PAPPA2: variants seen among roughly 807,000 people sequenced by gnomAD.
The protein encoded by PAPPA2 is pappalysin 2, also known as pappalysin-2.
PAPPA2 carries 86 observed loss-of-function variants against 176.4 expected under a neutral mutation model. The ratio of observed to expected loss-of-function variants is 0.49; its 90% CI spans 0.41 to 0.58. The LOEUF is 0.58. Ranked by LOEUF, PAPPA2 falls within the 20% of genes least tolerant of loss-of-function variation. PAPPA2 has a pLI of 0.00. For synonymous variants in PAPPA2, 809 were observed against 852.2 expected (o/e 0.95, Z 0.88); for missense variants, 2,073 against 2,256.9 (o/e 0.92, Z 1.65).
At chr1:176,614,294 A>T (rs1223286315) in intron 3 of PAPPA2, among the ~76,000 whole-genome samples, 1 of 152,208 alleles carries the variant, frequency 6.6e-6, no homozygotes, top group Non-Finnish European at 1.5e-5. Flanking sequence ...TGACCCATCT[A>T]TTGCCACATG....
chr1:176,729,932 G>T, intron 12 of PAPPA2, among the ~76,000 whole-genome samples: 1 of 151,436 alleles, frequency 6.6e-6, no homozygotes. Flanking sequence ...TTTCTCCTTT[G>T]ATTCATAATT....
intron 21 of PAPPA2, among the ~76,000 whole-genome samples, chr1:176,819,809 A>G (rs1235615043): frequency 6.6e-6 from 1 of 152,226 alleles, no homozygotes; most frequent in Non-Finnish European, 1.5e-5. Flanking sequence ...ATAAAGAGAA[A>G]GAGAGCCTCT....
chr1:176,468,458 C>T (rs1156907850), intron 1 of PAPPA2, among the ~76,000 whole-genome samples: 1 of 152,122 alleles, frequency 6.6e-6, no homozygotes, highest in Admixed American at 6.5e-5. Context: ...GATACCTTTC[C>T]AGGTATATGG....
At chr1:176,790,379 ACT>A (rs761636430) in intron 18 of PAPPA2, among the ~76,000 whole-genome samples, 12 of 152,002 alleles carry the variant, frequency 7.9e-5, no homozygotes, top group Non-Finnish European at 1.5e-4. Context: ...GTGCTGTTTG[ACT>A]CTTCCCCTCC....
At chr1:176,757,816 C>T (rs1379880203) in intron 14 of PAPPA2, among the ~76,000 whole-genome samples, 1 of 152,114 alleles carries the variant, frequency 6.6e-6, no homozygotes, top group Non-Finnish European at 1.5e-5. Context: ...AGGTTTTCTT[C>T]TAGGGTTTTT....
At chr1:176,812,086 T>C (rs1331031437) in intron 21 of PAPPA2, among the ~76,000 whole-genome samples, 2 of 152,138 alleles carry the variant, frequency 1.3e-5, no homozygotes, top group East Asian at 1.9e-4. Context: ...GCATTTTTGC[T>C]TCTTTTGTCC....
At chr1:176,811,333 A>G (rs527491471) in intron 21 of PAPPA2, among the ~76,000 whole-genome samples, 26 of 152,352 alleles carry the variant, frequency 1.7e-4, no homozygotes, top group Admixed American at 3.3e-4. Context: ...TATAAATTAT[A>G]GCCAACAATT....
chr1:176,481,721 T>C (rs142182228), intron 1 of PAPPA2, among the ~76,000 whole-genome samples: 290 of 152,312 alleles, frequency 1.9e-3, no homozygotes, highest in African/African-American at 6.4e-3. Context: ...TTGTTTGTTT[T>C]TGAGATAGAG....
At chr1:176,743,100 G>T (rs1023955398) in intron 14 of PAPPA2, among the ~76,000 whole-genome samples, 1 of 152,040 alleles carries the variant, frequency 6.6e-6, no homozygotes, top group Admixed American at 6.6e-5. Flanking sequence ...CACAGAATAC[G>T]AAAACTCTTA....
chr1:176,742,814 T>C (rs969451504), intron 14 of PAPPA2, among the ~76,000 whole-genome samples: 1 of 152,166 alleles, frequency 6.6e-6, no homozygotes, highest in African/African-American at 2.4e-5. Context: ...GGCTACCTCC[T>C]TCTTACCCCT....
At chr1:176,627,698 G>A (rs868308093) in intron 3 of PAPPA2, among the ~76,000 whole-genome samples, 42 of 152,170 alleles carry the variant, frequency 2.8e-4, no homozygotes, top group Middle Eastern at 3.2e-3. Flanking sequence ...AAATCAGTCT[G>A]TCTAGGGAAG....
intron 17 of PAPPA2, among the ~76,000 whole-genome samples, chr1:176,778,277 T>A (rs1664552385): frequency 6.6e-6 from 1 of 152,118 alleles, no homozygotes; most frequent in Non-Finnish European, 1.5e-5. Context: ...CTACAGTGGC[T>A]TCAAATAGAT....
Position 176,713,212 on chromosome 1 carries a change from G to A in PAPPA2, c.3798+1231G>A, listed in dbSNP as rs114060115. ...GCTCTGTTTTCCAGGCTGGAATACA[G>A]TGGTGCCATCATAGCTTACTATAGC... is the stretch of plus-strand genomic sequence containing the variant. On this transcript the variant is annotated intron_variant, in intron 12 of 22. Transcript: ENST00000367662. 2.4e-3 allele frequency among the ~76,000 whole-genome samples: 368 copies of A among 151,124 alleles called. 3 individuals carry two copies. Among genetic ancestry groups the A allele is most frequent in the Non-Finnish European group, 3.9e-3 (263 of 67,902 alleles).
chr1:176,469,260 T>C (rs566931558), intron 1 of PAPPA2, among the ~76,000 whole-genome samples: 1 of 152,340 alleles, frequency 6.6e-6, no homozygotes, highest in Non-Finnish European at 1.5e-5. Flanking sequence ...AAAAATACTT[T>C]TCTGCCAGAA....
At chr1:176,606,941 G>A (rs1346276867) in intron 3 of PAPPA2, among the ~76,000 whole-genome samples, 1 of 152,144 alleles carries the variant, frequency 6.6e-6, no homozygotes, top group Non-Finnish European at 1.5e-5. Flanking sequence ...AGTTATACTG[G>A]ACAATAGTCT....
At chr1:176,607,685 A>G (rs1654693269) in intron 3 of PAPPA2, among the ~76,000 whole-genome samples, 1 of 152,118 alleles carries the variant, frequency 6.6e-6, no homozygotes. Context: ...TTGCCCTAAT[A>G]TCTCTTCAGT....
At chr1:176,627,976 A>G (rs955057253) in intron 3 of PAPPA2, among the ~76,000 whole-genome samples, 17 of 152,298 alleles carry the variant, frequency 1.1e-4, no homozygotes, top group African/African-American at 3.8e-4. Flanking sequence ...AAGAGAAGGT[A>G]TGAAATGGTC....
At chr1:176,474,412 G>A (rs1451308223) in intron 1 of PAPPA2, among the ~76,000 whole-genome samples, 1 of 152,180 alleles carries the variant, frequency 6.6e-6, no homozygotes, top group Non-Finnish European at 1.5e-5. Context: ...GACCAGCGCT[G>A]GTCATATGGC....
At chr1:176,728,250 A>C (rs1041668508) in intron 12 of PAPPA2, among the ~76,000 whole-genome samples, 1 of 152,024 alleles carries the variant, frequency 6.6e-6, no homozygotes, top group East Asian at 1.9e-4. Context: ...ACTTTATGAG[A>C]TATAAAAGAA....
Sources: gnomAD v4.1 joint callset for allele counts (sites outside exome capture counted in the v4.1 genomes callset) on GRCh38, gnomAD v4.1.1 for gene constraint, MANE v1.5 for transcripts, NCBI Gene and HGNC (gene_info 2026-07-23, HGNC 2026-07-21) for gene names.